LAPTM4B: variants seen among roughly 807,000 people sequenced by gnomAD.
LAPTM4B encodes lysosomal-associated transmembrane protein 4B.
LAPTM4B carries 26 observed loss-of-function variants against 28.5 expected under a neutral mutation model. The ratio of observed to expected loss-of-function variants is 0.91; its 90% CI spans 0.67 to 1.27. The LOEUF is 1.27. Ranked by LOEUF, LAPTM4B falls within the 50% of genes most tolerant of loss-of-function variation. The pLI is 0.00. For synonymous variants in LAPTM4B, 109 were observed against 106.4 expected, an observed-to-expected ratio of 1.02 and a Z score of -0.15; for missense variants, 288 against 285.8, an observed-to-expected ratio of 1.01 and a Z score of -0.06.
chr8:97,798,706 A>G (rs1816628236), intron 1 of LAPTM4B, among the ~76,000 whole-genome samples: 1 of 152,196 alleles, frequency 6.6e-6, no homozygotes, highest in Non-Finnish European at 1.5e-5. Context: ...GTTGTCAGAT[A>G]CCATGTGATG....
intron 2 of LAPTM4B, among the ~76,000 whole-genome samples, chr8:97,814,212 G>A (rs1816867678): frequency 6.6e-6 from 1 of 152,024 alleles, no homozygotes; most frequent in Non-Finnish European, 1.5e-5. Context: ...TTGACTAAAG[G>A]AAAAAAGAAG....
At chr8:97,776,371 G>A (rs901630445) in intron 1 of LAPTM4B, among the ~76,000 whole-genome samples, 3 of 152,222 alleles carry the variant, frequency 2.0e-5, no homozygotes, top group Admixed American at 1.3e-4. Context: ...CAGGTGGTGT[G>A]GGTCGCCGAT....
At chr8:97,800,747 TG>T (rs2129760681) in intron 1 of LAPTM4B, among the ~76,000 whole-genome samples, 1 of 152,124 alleles carries the variant, frequency 6.6e-6, no homozygotes, top group Admixed American at 6.5e-5. Flanking sequence ...CTGCCCGCCT[TG>T]GCCTCCCAAA....
Position 97,778,312 on chromosome 8 carries a change from C to CT in LAPTM4B, c.99+2216dup, listed in dbSNP as rs569574870. Among the ~76,000 whole-genome samples the CT allele has an allele frequency of 2.8e-3, 410 of 143,944 alleles. 2 individuals carry two copies. Among genetic ancestry groups the CT allele is most frequent in the African/African-American group, 6.4e-3 (253 of 39,498 alleles). The allele number at this position is 143,944 out of a possible 152,430, so 94.4% of individuals were successfully genotyped here. ...CAATGTAAGCCTTTTTCTTTTCTTT[C>CT]TTTTTTTTTTTTAAAGTAGTGATTT... is the stretch of plus-strand genomic sequence containing the variant. On this transcript the variant is annotated intron_variant, in intron 1 of 6. Coordinates refer to ENST00000521545, the MANE Select transcript of LAPTM4B (RefSeq NM_018407.6).
chr8:97,776,991 A>G (rs543750052), intron 1 of LAPTM4B, among the ~76,000 whole-genome samples: 21 of 152,042 alleles, frequency 1.4e-4, no homozygotes, highest in Non-Finnish European at 2.6e-4. Context: ...CTGCACCAGC[A>G]CTGAGTCGGA....
intron 1 of LAPTM4B, among the ~76,000 whole-genome samples, chr8:97,780,332 G>A (rs1004473724): frequency 2.6e-5 from 4 of 151,998 alleles, no homozygotes; most frequent in African/African-American, 9.7e-5. Context: ...GAAGCTGAGA[G>A]AAGAATCATT....
intron 1 of LAPTM4B, among the ~76,000 whole-genome samples, chr8:97,796,056 TG>T (rs1406544286): frequency 1.0e-4 from 3 of 29,498 alleles, no homozygotes. Flanking sequence ...CCTCTTGCCT[TG>T]GCCCCCCCAG....
intron 5 of LAPTM4B, among the ~76,000 whole-genome samples, chr8:97,822,180 T>C (rs933697488): frequency 6.6e-6 from 1 of 152,110 alleles, no homozygotes; most frequent in African/African-American, 2.4e-5. Flanking sequence ...CAGGCAGGGC[T>C]GGCAGTGCCC....
In LAPTM4B at chr8:97,799,383, T is replaced by C. The variant is rs539135292; in HGVS notation, c.100-5970T>C. On this transcript the variant is annotated intron_variant, in intron 1 of 6. Transcript: ENST00000521545. Reference sequence around the variant, plus strand: ...AGGAGCTTGGCTTTTTAGAGAGAAATGGGCTGAAGAAACCAGAAACAAAGA... The same window carrying C: ...AGGAGCTTGGCTTTTTAGAGAGAAACGGGCTGAAGAAACCAGAAACAAAGA... 2.6e-5 allele frequency among the ~76,000 whole-genome samples: 4 copies of C among 152,264 alleles called. No homozygotes were observed. The East Asian group carries it at 7.7e-4, about 29-fold the overall frequency.
At chr8:97,781,493 G>A (rs1336165342) in intron 1 of LAPTM4B, among the ~76,000 whole-genome samples, 1 of 148,912 alleles carries the variant, frequency 6.7e-6, no homozygotes, top group Non-Finnish European at 1.5e-5. Flanking sequence ...GGCCAGGCTG[G>A]TCTTGAACTC....
chr8:97,816,875 G>GGCTGCAGTGAGCCAAGATCACGCC (rs1816924655), intron 4 of LAPTM4B, among the ~76,000 whole-genome samples: 1 of 152,050 alleles, frequency 6.6e-6, no homozygotes, highest in African/African-American at 2.4e-5. Flanking sequence ...GGGAGGTGGA[G>GGCTGCAGTGAGCCAAGATCACGCC]GCTGCAGTGA....
intron 4 of LAPTM4B, among the ~76,000 whole-genome samples, chr8:97,817,558 C>T (rs1475653584): frequency 2.0e-5 from 3 of 150,482 alleles, no homozygotes; most frequent in Non-Finnish European, 4.4e-5. Context: ...AAGCCATTCT[C>T]CTGCCTCAGT....
At chr8:97,824,172 G>T (rs376119473) in intron 5 of LAPTM4B, among the ~76,000 whole-genome samples, 4 of 151,812 alleles carry the variant, frequency 2.6e-5, no homozygotes, top group Admixed American at 2.0e-4. Context: ...CATTTTATTC[G>T]GTATATATTA....
rs1416276658 is a variant in LAPTM4B at position 97,795,862 on chromosome 8, TC to T, written c.100-9490del. Reference sequence around the variant, plus strand: ...TAAAAAAAAAAAAAAAAAAAAAAGATCTAACACTAATTGGTACTTTTGATCT... The same window carrying T: ...TAAAAAAAAAAAAAAAAAAAAAAGATTAACACTAATTGGTACTTTTGATCT... On this transcript the variant is annotated intron_variant, in intron 1 of 6. Transcript: ENST00000521545. Among the ~76,000 whole-genome samples the T allele has an allele frequency of 6.0e-3, 810 of 136,004 alleles. 6 individuals carry two copies. Among genetic ancestry groups the T allele is most frequent in the African/African-American group, 0.021 (774 of 37,468 alleles). 89.2% of individuals were successfully genotyped at this position (136,004 alleles called of 152,430 possible). A position where few individuals can be genotyped will look rare whatever the true frequency, so the allele number is the denominator to read the frequency against.
In LAPTM4B at chr8:97,777,137, G is replaced by GTT. The variant is rs1176218610; in HGVS notation, c.99+1055_99+1056dup. On this transcript the variant is annotated intron_variant, in intron 1 of 6. Coordinates refer to ENST00000521545, the MANE Select transcript of LAPTM4B (RefSeq NM_018407.6). ...AGCATATATAACTTTTTTCAGTGAG[G>GTT]TTTTTTTTTTTTTTTTTTTTTTTTT... Among the ~76,000 whole-genome samples the GTT allele has an allele frequency of 5.9e-3, 491 of 83,824 alleles. 44 individuals are homozygous for GTT. The highest frequency in any genetic ancestry group is 7.3e-3 in the South Asian group (14 of 1,930). The allele number at this position is 83,824 out of a possible 152,430, so 55.0% of individuals were successfully genotyped here. A position where few individuals can be genotyped will look rare whatever the true frequency, so the allele number is the denominator to read the frequency against.
rs1241863138 is a variant in LAPTM4B at position 97,811,743 on chromosome 8, T to C, written c.212-3585T>C. Among the ~76,000 whole-genome samples the C allele has an allele frequency of 3.3e-5, 5 of 152,204 alleles. No homozygotes were observed. In the East Asian group the frequency reaches 9.6e-4, roughly 29 times the overall value. On this transcript the variant is annotated intron_variant, in intron 2 of 6. Coordinates refer to ENST00000521545, the MANE Select transcript of LAPTM4B (RefSeq NM_018407.6). ...AAAGATCCTGACAGCCTTGAGGAAA[T>C]AGAACTACAGCAGCAGGGGAAGCTG... is the stretch of plus-strand genomic sequence containing the variant.
At chr8:97,831,204 G>A (rs1017154734) in intron 6 of LAPTM4B, among the ~76,000 whole-genome samples, 5 of 152,170 alleles carry the variant, frequency 3.3e-5, no homozygotes, top group Admixed American at 6.5e-5. Flanking sequence ...ACTAATGAAG[G>A]CTGGACTGTT....
At chr8:97,786,666 TCCAGC>T (rs1816407708) in intron 1 of LAPTM4B, among the ~76,000 whole-genome samples, 1 of 141,988 alleles carries the variant, frequency 7.0e-6, no homozygotes, top group South Asian at 2.2e-4. Flanking sequence ...GCCGCTACAC[TCCAGC>T]CCGGGCAACA....
chr8:97,807,669 T>A (rs1225839644), intron 2 of LAPTM4B, among the ~76,000 whole-genome samples: 1 of 152,088 alleles, frequency 6.6e-6, no homozygotes, highest in Non-Finnish European at 1.5e-5. Context: ...ACTGAATTTC[T>A]GTTAGGGAAA....
Sources: allele counts gnomAD v4.1 joint callset (sites outside exome capture counted in the v4.1 genomes callset), GRCh38; gene constraint gnomAD v4.1.1; transcripts MANE v1.5; gene names NCBI Gene and HGNC (gene_info 2026-07-23, HGNC 2026-07-21).